TCERG1L: variants seen among roughly 807,000 people sequenced by gnomAD.
TCERG1L encodes the protein transcription elongation regulator 1 like.
A neutral mutation model predicts 56.3 loss-of-function variants in TCERG1L; 37 were observed. That is an observed-to-expected ratio of 0.66 (90% CI 0.51 to 0.87). The LOEUF is 0.87. Among genes scored for constraint, TCERG1L ranks in the 40% least tolerant of loss-of-function variants. The pLI, the probability that TCERG1L is intolerant of heterozygous loss-of-function variation, is 0.00. For missense variants in TCERG1L, 799 were observed against 774.2 expected (o/e 1.03, Z -0.38); for synonymous variants, 324 against 326.3 (o/e 0.99, Z 0.08).
At chr10:131,298,571 A>G (rs981239150) in intron 3 of TCERG1L, among the ~76,000 whole-genome samples, 3 of 151,934 alleles carry the variant, frequency 2.0e-5, no homozygotes, top group Admixed American at 6.6e-5. Flanking sequence ...ATGCCACCAC[A>G]CCCGGCTAAT....
chr10:131,122,786 A>C (rs887429914), intron 8 of TCERG1L, among the ~76,000 whole-genome samples: 3 of 152,186 alleles, frequency 2.0e-5, no homozygotes, highest in Non-Finnish European at 2.9e-5. Flanking sequence ...CTGGGGACCC[A>C]CTTGCAGCTG....
rs1389429611 is a variant in TCERG1L at position 131,166,883 on chromosome 10, T to C, written c.859A>G (p.Thr287Ala). The C allele has an allele frequency of 5.0e-6, 8 of 1,610,402 alleles. No individual in the cohort carries two copies. The Admixed American group carries it at 1.3e-4, about 27-fold the overall frequency. Residue 287 changes from threonine (T) to alanine (A), a missense_variant and splice_region_variant, in exon 5 of 12, where the codon ACA (threonine) becomes GCA (alanine). Coordinates refer to ENST00000368642, the MANE Select transcript of TCERG1L (RefSeq NM_174937.4). ...GCCACTCGGCCCCGCTCTGTCCTTGTATCTGTTGGGCCAAAGCAGTTGTCA... is the reference window on the plus strand; with the variant it reads ...GCCACTCGGCCCCGCTCTGTCCTTGCATCTGTTGGGCCAAAGCAGTTGTCA... ...IPLRTSPVSD[T>A]RTERGRVARP...
chr10:131,245,546 G>A (rs549851585), intron 4 of TCERG1L, among the ~76,000 whole-genome samples: 30 of 152,202 alleles, frequency 2.0e-4, no homozygotes, highest in African/African-American at 7.2e-4. Context: ...GCTCTCCGGG[G>A]GCAGCGACAG....
At position 131,192,529 on chromosome 10, in the gene TCERG1L, A is replaced by G. The variant is rs1352741121; in HGVS notation, c.857-25644T>C. 1.4e-5 allele frequency among the ~76,000 whole-genome samples: 2 copies of G among 144,172 alleles called. 1 individual carries two copies. The highest frequency in any genetic ancestry group is 3.1e-5 in the Non-Finnish European group (2 of 65,342). 94.6% of individuals were successfully genotyped at this position (144,172 alleles called of 152,430 possible). On this transcript the variant is annotated intron_variant, in intron 4 of 11. Coordinates refer to ENST00000368642, the MANE Select transcript of TCERG1L (RefSeq NM_174937.4). Reference sequence around the variant, plus strand: ...AATCCCACTACTGGGGGTCTACCCAAAGGAAAATAAGTCATTATATGAAAA... The same window carrying G: ...AATCCCACTACTGGGGGTCTACCCAGAGGAAAATAAGTCATTATATGAAAA...
chr10:131,301,990 G>C (rs1225972152), intron 3 of TCERG1L, among the ~76,000 whole-genome samples: 2 of 152,100 alleles, frequency 1.3e-5, no homozygotes, highest in Non-Finnish European at 2.9e-5. Flanking sequence ...GATGTAGACA[G>C]AGCAGCAGCA....
intron 6 of TCERG1L, among the ~76,000 whole-genome samples, chr10:131,150,549 G>A (rs1361241220): frequency 1.3e-5 from 2 of 152,198 alleles, no homozygotes; most frequent in Non-Finnish European, 2.9e-5. Flanking sequence ...CAGCTTTCCT[G>A]AACACCCAGG....
chr10:131,290,966 A>C (rs1011623304), intron 3 of TCERG1L, among the ~76,000 whole-genome samples: 4 of 152,198 alleles, frequency 2.6e-5, no homozygotes, highest in African/African-American at 9.7e-5. Context: ...CCCACTTCCC[A>C]CACAGCACGA....
At chr10:131,100,828 G>C (rs1845297782) in intron 10 of TCERG1L, among the ~76,000 whole-genome samples, 1 of 152,176 alleles carries the variant, frequency 6.6e-6, no homozygotes, top group Admixed American at 6.5e-5. Flanking sequence ...GTGGTCTTTG[G>C]ATGGGGTCCA....
At position 131,244,444 on chromosome 10, in the gene TCERG1L, T is replaced by G. The variant is rs139400641; in HGVS notation, c.856+15815A>C. On this transcript the variant is annotated intron_variant, in intron 4 of 11. Coordinates refer to ENST00000368642, the MANE Select transcript of TCERG1L (RefSeq NM_174937.4). ...TGGAGCATGCAGAGTGGGGGTGCTT[T>G]GGGAGTAGGTGGGGAGGGGCCTCTC... Among the ~76,000 whole-genome samples, 424 of 152,018 alleles carry G rather than the reference T, an allele frequency of 2.8e-3. 4 individuals are homozygous for G. The highest frequency in any genetic ancestry group is 9.9e-3 in the African/African-American group (409 of 41,450).
At chr10:131,217,999 C>A (rs553067956) in intron 4 of TCERG1L, among the ~76,000 whole-genome samples, 4 of 152,250 alleles carry the variant, frequency 2.6e-5, no homozygotes, top group Non-Finnish European at 5.9e-5. Flanking sequence ...GCTGGGATTA[C>A]CGGCGTGAGC....
chr10:131,242,822 C>T (rs11599340), intron 4 of TCERG1L, among the ~76,000 whole-genome samples: 8,768 of 152,174 alleles, frequency 0.058, 341 homozygotes, highest in Middle Eastern at 0.14. Context: ...ACTCATTAAC[C>T]TGTAGGATCA....
intron 6 of TCERG1L, among the ~76,000 whole-genome samples, chr10:131,157,851 A>G (rs1403025544): frequency 6.6e-6 from 1 of 152,226 alleles, no homozygotes; most frequent in African/African-American, 2.4e-5. Flanking sequence ...GAAAGTACTC[A>G]GCAGTAGAAT....
intron 4 of TCERG1L, among the ~76,000 whole-genome samples, chr10:131,245,429 T>C (rs1408872578): frequency 6.6e-6 from 1 of 151,534 alleles, no homozygotes; most frequent in Non-Finnish European, 1.5e-5. Context: ...TTAAAAAAAC[T>C]GAGAAGTTGA....
At chr10:131,150,718 A>C (rs1262802627) in intron 6 of TCERG1L, among the ~76,000 whole-genome samples, 1 of 152,214 alleles carries the variant, frequency 6.6e-6, no homozygotes, top group East Asian at 1.9e-4. Context: ...CCCCGATAGC[A>C]CACGTGGATC....
At chr10:131,306,360 C>T (rs1450101670) in intron 3 of TCERG1L, among the ~76,000 whole-genome samples, 2 of 151,840 alleles carry the variant, frequency 1.3e-5, no homozygotes, top group African/African-American at 4.8e-5. Flanking sequence ...GTGTCAGGTA[C>T]ATTTCTCCCC....
chr10:131,273,444 A>G (rs1040054644), intron 3 of TCERG1L, among the ~76,000 whole-genome samples: 1 of 152,162 alleles, frequency 6.6e-6, no homozygotes, highest in Non-Finnish European at 1.5e-5. Flanking sequence ...CACAAACTCA[A>G]TGTGGAGCCT....
chr10:131,297,188 A>T (rs544469449), intron 3 of TCERG1L, among the ~76,000 whole-genome samples: 13 of 152,298 alleles, frequency 8.5e-5, no homozygotes, highest in Middle Eastern at 3.4e-3. Flanking sequence ...CGTTAGTGGT[A>T]GATCTTCCTT....
chr10:131,218,464 A>G (rs912116769), intron 4 of TCERG1L, among the ~76,000 whole-genome samples: 4 of 151,942 alleles, frequency 2.6e-5, no homozygotes, highest in African/African-American at 9.7e-5. Context: ...GTCCAGAGCC[A>G]GATCGCTTCT....
chr10:131,108,750 C>A (rs930998945), intron 9 of TCERG1L, among the ~76,000 whole-genome samples: 1 of 152,174 alleles, frequency 6.6e-6, no homozygotes. Context: ...GATGAGGTGC[C>A]GGCAGGGGCT....
Sources: gnomAD v4.1 joint callset for allele counts (sites outside exome capture counted in the v4.1 genomes callset) on GRCh38, gnomAD v4.1.1 for gene constraint, MANE v1.5 for transcripts, NCBI Gene and HGNC (gene_info 2026-07-23, HGNC 2026-07-21) for gene names.